CTNND2: variants seen among roughly 807,000 people sequenced by gnomAD.
CTNND2 encodes the protein catenin delta-2.
CTNND2 carries 22 observed loss-of-function variants against 144.4 expected under a neutral mutation model. That is an observed-to-expected ratio of 0.15 (90% CI 0.11 to 0.22). The LOEUF is 0.22. CTNND2 is among the 10% of genes least tolerant of loss of function. The probability of loss-of-function intolerance (pLI) is 1.00; values close to 1 mark genes in which losing one functional copy is unlikely to be tolerated. For synonymous variants in CTNND2, 751 were observed against 695.6 expected (o/e 1.08, Z -1.25); for missense variants, 1,353 against 1,618.8 (o/e 0.84, Z 2.82).
intron 1 of CTNND2, among the ~76,000 whole-genome samples, chr5:11,775,340 T>C (rs1790193409): frequency 6.6e-6 from 1 of 152,162 alleles, no homozygotes. Context: ...TCATGCAACT[T>C]TCCCTGAATA....
intron 1 of CTNND2, among the ~76,000 whole-genome samples, chr5:11,790,277 C>A (rs1581889288): frequency 6.6e-6 from 1 of 152,018 alleles, no homozygotes; most frequent in African/African-American, 2.4e-5. Flanking sequence ...TTCCATTATC[C>A]CCTACTCCAG....
At chr5:11,241,666 A>G (rs1019866745) in intron 9 of CTNND2, among the ~76,000 whole-genome samples, 4 of 152,220 alleles carry the variant, frequency 2.6e-5, no homozygotes, top group Non-Finnish European at 4.4e-5. Context: ...CTCTTTTTCT[A>G]TAACAGTTTT....
chr5:11,023,078 A>C (rs972666916), intron 16 of CTNND2, 99 bp from the exon 17 acceptor site: 11 of 995,302 alleles, frequency 1.1e-5, no homozygotes, highest in Non-Finnish European at 1.7e-5. Context: ...ACGAGAGGCC[A>C]CGTTTATGCA....
At chr5:11,081,100 A>T (rs948059993) in intron 16 of CTNND2, among the ~76,000 whole-genome samples, 54 of 150,744 alleles carry the variant, frequency 3.6e-4, no homozygotes, top group African/African-American at 1.3e-3. Flanking sequence ...ACACACACAC[A>T]CACACACTCA....
chr5:11,331,035 C>T (rs1447410593), intron 9 of CTNND2, among the ~76,000 whole-genome samples: 1 of 152,112 alleles, frequency 6.6e-6, no homozygotes, highest in Admixed American at 6.5e-5. Context: ...AGCAAGGCAC[C>T]CTACAGAAAC....
chr5:10,974,522 T>C (rs1267352899), intron 21 of CTNND2, among the ~76,000 whole-genome samples: 2 of 152,190 alleles, frequency 1.3e-5, no homozygotes, highest in African/African-American at 4.8e-5. Flanking sequence ...ATTGGTGCAT[T>C]TGTATCTGTT....
At chr5:11,295,971 A>T (rs916622652) in intron 9 of CTNND2, among the ~76,000 whole-genome samples, 2 of 152,082 alleles carry the variant, frequency 1.3e-5, no homozygotes, top group African/African-American at 4.8e-5. Flanking sequence ...ACAAAAGCCA[A>T]AATTGACAAA....
At chr5:11,645,326 T>C (rs1371866607) in intron 2 of CTNND2, among the ~76,000 whole-genome samples, 1 of 151,318 alleles carries the variant, frequency 6.6e-6, no homozygotes, top group East Asian at 1.9e-4. Context: ...CCCACATTTA[T>C]TATATTATGA....
chr5:11,576,113 CT>C (rs1777953925), intron 2 of CTNND2, among the ~76,000 whole-genome samples: 1 of 152,118 alleles, frequency 6.6e-6, no homozygotes, highest in South Asian at 2.1e-4. Context: ...AACAAATCAT[CT>C]TTAATCTGCC....
rs971223703 is a variant in CTNND2, at chr5:11,364,831, G to A, written c.1237C>T (p.Leu413=). The A allele has an allele frequency of 1.2e-6, 2 of 1,613,864 alleles. No homozygotes were observed. Among genetic ancestry groups the A allele is most frequent in the African/African-American group, 2.7e-5 (2 of 75,042 alleles). The change falls in exon 8 of 22, where the codon CTG becomes TTG. Residue 413 remains leucine, a synonymous_variant. Coordinates refer to ENST00000304623, the MANE Select transcript of CTNND2 (RefSeq NM_001332.4). The part of the protein sequence containing the change: ...HGHLGPELRA[L]QSPEHHIDPI... ...TCTATGTGGTGTTCTGGGGACTGCA[G>A]GGCCCGCAACTCTGGGCCCAGGTGC...
chr5:11,214,872 T>C (rs1739006287), intron 10 of CTNND2, among the ~76,000 whole-genome samples: 1 of 152,156 alleles, frequency 6.6e-6, no homozygotes, highest in South Asian at 2.1e-4. Flanking sequence ...TGACCACCCC[T>C]TCCCCCTTCA....
At chr5:10,998,875 T>C (rs1357020538) in intron 18 of CTNND2, among the ~76,000 whole-genome samples, 1 of 152,256 alleles carries the variant, frequency 6.6e-6, no homozygotes, top group African/African-American at 2.4e-5. Context: ...TGCACCATTT[T>C]ATTAATACAG....
At chr5:11,298,537 T>C (rs1262072969) in intron 9 of CTNND2, among the ~76,000 whole-genome samples, 5 of 152,198 alleles carry the variant, frequency 3.3e-5, no homozygotes, top group Admixed American at 6.5e-5. Context: ...TAAAATTCCT[T>C]TTCTCCCAAA....
chr5:11,650,737 A>G (rs1266667745), intron 2 of CTNND2, among the ~76,000 whole-genome samples: 1 of 152,224 alleles, frequency 6.6e-6, no homozygotes, highest in Admixed American at 6.5e-5. Flanking sequence ...TTTCTGCCCT[A>G]AAGAGCTGCA....
intron 2 of CTNND2, among the ~76,000 whole-genome samples, chr5:11,707,305 G>T (rs1295687646): frequency 6.6e-6 from 1 of 152,158 alleles, no homozygotes; most frequent in South Asian, 2.1e-4. Context: ...AGGTGTGACT[G>T]CAGAAACAGA....
intron 18 of CTNND2, among the ~76,000 whole-genome samples, chr5:11,012,128 T>C (rs1741159926): frequency 6.6e-6 from 1 of 152,174 alleles, no homozygotes; most frequent in South Asian, 2.1e-4. Context: ...ATGGATATAT[T>C]ACTTTCCATT....
intron 18 of CTNND2, among the ~76,000 whole-genome samples, chr5:10,994,733 G>T (rs1053997653): frequency 2.6e-5 from 4 of 152,140 alleles, no homozygotes; most frequent in Admixed American, 2.6e-4. Flanking sequence ...TGAGCAGGGG[G>T]CCAGGAAGAC....
chr5:11,252,387 C>T (rs1743755947), intron 9 of CTNND2, among the ~76,000 whole-genome samples: 1 of 152,112 alleles, frequency 6.6e-6, no homozygotes, highest in Admixed American at 6.6e-5. Flanking sequence ...GGAGATTATA[C>T]CTTAGTTCTA....
chr5:11,642,656 A>ATG (rs1438073245), intron 2 of CTNND2, among the ~76,000 whole-genome samples: 1 of 152,212 alleles, frequency 6.6e-6, no homozygotes, highest in African/African-American at 2.4e-5. Flanking sequence ...TTGCCCACAA[A>ATG]TGTGACGTTG....
Sources: allele counts gnomAD v4.1 joint callset (sites outside exome capture counted in the v4.1 genomes callset), GRCh38; gene constraint gnomAD v4.1.1; transcripts MANE v1.5; gene names NCBI Gene and HGNC (gene_info 2026-07-23, HGNC 2026-07-21).